The following PRKAR1A variants were observed in gnomAD, a reference collection of about 807,000 sequenced individuals.
PRKAR1A encodes the protein cAMP-dependent protein kinase type I-alpha regulatory subunit.
In PRKAR1A, 3 loss-of-function variants were observed where a neutral mutation model predicts 52.0. The observed-to-expected ratio is 0.06, with a 90% CI of 0.03 to 0.15. The LOEUF (loss-of-function observed/expected upper bound fraction) is 0.15, where lower values mean the gene tolerates loss of function less well. PRKAR1A is among the 10% of genes least tolerant of loss of function. The pLI, the probability that PRKAR1A is intolerant of heterozygous loss-of-function variation, is 1.00. For synonymous variants in PRKAR1A, 188 were observed against 168.4 expected (o/e 1.12, Z -0.90); for missense variants, 240 against 477.4 (o/e 0.50, Z 4.63).
At chr17:68,479,874 G>A in the PRKAR1A span, among the ~76,000 whole-genome samples, 17,156 of 152,212 alleles carry the variant, frequency 0.11, 981 homozygotes, top group Middle Eastern at 0.14. Flanking sequence ...AAGAAAACAC[G>A]TCCTTCTTCA....
At chr17:68,476,011 G>A in the PRKAR1A span, among the ~76,000 whole-genome samples, 3 of 152,060 alleles carry the variant, frequency 2.0e-5, no homozygotes, top group South Asian at 2.1e-4. Context: ...TGCCTTCTGT[G>A]TAGTTTAATA....
chr17:68,521,443 C>T (rs1048828509), intron 2 of PRKAR1A, among the ~76,000 whole-genome samples: 20 of 152,262 alleles, frequency 1.3e-4, no homozygotes, highest in African/African-American at 4.3e-4. Context: ...GTTGCCTAGG[C>T]GGGTCTCGAA....
At chr17:68,534,693 A>G (rs894420575), downstream of PRKAR1A, among the ~76,000 whole-genome samples, 4 of 151,826 alleles carry the variant, frequency 2.6e-5, no homozygotes, top group African/African-American at 9.7e-5. Flanking sequence ...TGCCATATGT[A>G]GAAAATATGT....
At chr17:68,426,052 A>C in the PRKAR1A span, 1 of 1,605,228 alleles carries the variant, frequency 6.2e-7, no homozygotes, top group African/African-American at 1.3e-5. Context: ...TGAGCCGCCC[A>C]GTTACGGGTT....
chr17:68,494,202 T>G, the PRKAR1A span, among the ~76,000 whole-genome samples: 1 of 152,206 alleles, frequency 6.6e-6, no homozygotes, highest in Non-Finnish European at 1.5e-5. Flanking sequence ...TGGGTTTAAT[T>G]CCCTTCCCCT....
chr17:68,471,639 A>AG, the PRKAR1A span, among the ~76,000 whole-genome samples: 5 of 151,868 alleles, frequency 3.3e-5, no homozygotes, highest in Non-Finnish European at 7.4e-5. Context: ...TTACTGGGAG[A>AG]GGGGGGAGGT....
chr17:68,520,505 A>T (rs1253436766), intron 2 of PRKAR1A, among the ~76,000 whole-genome samples: 1 of 152,186 alleles, frequency 6.6e-6, no homozygotes, highest in Non-Finnish European at 1.5e-5. Flanking sequence ...TATGGAGTAC[A>T]TGTGATATTT....
the PRKAR1A span, chr17:68,450,630 A>C: frequency 9.0e-6 from 13 of 1,445,196 alleles, no homozygotes; most frequent in Non-Finnish European, 1.2e-5. Flanking sequence ...TTAGAATTGG[A>C]AGCTTGTTTT....
the PRKAR1A span, among the ~76,000 whole-genome samples, chr17:68,501,274 T>C: frequency 3.3e-5 from 5 of 152,224 alleles, no homozygotes; most frequent in Non-Finnish European, 7.3e-5. Context: ...CCACCTGCTT[T>C]CTAAATGTTC....
chr17:68,432,663 C>A, the PRKAR1A span, among the ~76,000 whole-genome samples: 1 of 152,120 alleles, frequency 6.6e-6, no homozygotes, highest in African/African-American at 2.4e-5. Context: ...TGGTGCCCAG[C>A]CTCTACACCT....
the PRKAR1A span, among the ~76,000 whole-genome samples, chr17:68,476,732 G>A: frequency 1.1e-4 from 16 of 151,186 alleles, no homozygotes; most frequent in African/African-American, 3.9e-4. Flanking sequence ...AGGCAATCTC[G>A]GCTCACTGCA....
chr17:68,456,054 A>C, the PRKAR1A span, among the ~76,000 whole-genome samples: 2 of 152,360 alleles, frequency 1.3e-5, no homozygotes, highest in South Asian at 4.1e-4. Flanking sequence ...CAGCTTAGAA[A>C]AAAAGGACAC....
chr17:68,431,254 C>T, the PRKAR1A span, among the ~76,000 whole-genome samples: 2 of 152,140 alleles, frequency 1.3e-5, no homozygotes, highest in South Asian at 2.1e-4. Context: ...AAGGGAGAGG[C>T]GGATGAGGTT....
At chr17:68,522,437 A>C (rs936469389) in intron 2 of PRKAR1A, among the ~76,000 whole-genome samples, 1 of 152,236 alleles carries the variant, frequency 6.6e-6, no homozygotes, top group African/African-American at 2.4e-5. Flanking sequence ...TGTTGTGTGC[A>C]TCACAGATAA....
At chr17:68,429,996 G>T in the PRKAR1A span, 2 of 1,614,102 alleles carry the variant, frequency 1.2e-6, no homozygotes, top group African/African-American at 1.3e-5. Flanking sequence ...TTGTACGTAC[G>T]TTGAGAGGGT....
chr17:68,493,448 G>A, the PRKAR1A span, among the ~76,000 whole-genome samples: 22 of 152,140 alleles, frequency 1.4e-4, no homozygotes, highest in Non-Finnish European at 8.8e-5. Flanking sequence ...GAAGCTCATG[G>A]AATAGCTGAT....
At chr17:68,511,436 TTTCCCCATTAGTGCAGCTTGTCTG>T (rs1281670681), upstream of PRKAR1A, among the ~76,000 whole-genome samples, 1 of 152,180 alleles carries the variant, frequency 6.6e-6, no homozygotes, top group Non-Finnish European at 1.5e-5. Flanking sequence ...TCCTCCGAAT[TTTCCCCATTAGTGCAGCTTGTCTG>T]GACAGCTGCG....
the PRKAR1A span, chr17:68,421,528 C>T: frequency 3.7e-6 from 2 of 539,708 alleles, no homozygotes; most frequent in African/African-American, 3.8e-5. Flanking sequence ...TTAGCATTTA[C>T]ACTATAGTTT....
the PRKAR1A span, among the ~76,000 whole-genome samples, chr17:68,476,331 G>A: frequency 6.6e-6 from 1 of 152,198 alleles, no homozygotes; most frequent in Non-Finnish European, 1.5e-5. Context: ...TTTGAAGGCA[G>A]AAGGATCTCA....
Sources: gnomAD v4.1 joint callset for allele counts (sites outside exome capture counted in the v4.1 genomes callset) on GRCh38, gnomAD v4.1.1 for gene constraint, MANE v1.5 for transcripts, NCBI Gene and HGNC (gene_info 2026-07-23, HGNC 2026-07-21) for gene names.